Variants in ELAVL2 observed in about 807,000 individuals in gnomAD.
The protein encoded by ELAVL2 is ELAV like RNA binding protein 2.
Under a neutral mutation model 34.6 loss-of-function variants are expected in ELAVL2, and 4 were observed. That is an observed-to-expected ratio of 0.12 (90% confidence interval 0.06 to 0.26). ELAVL2 has a LOEUF of 0.26. ELAVL2 is among the 10% of genes least tolerant of loss of function. The probability of loss-of-function intolerance (pLI) is 1.00; values close to 1 mark genes in which losing one functional copy is unlikely to be tolerated. For synonymous variants in ELAVL2, 193 were observed against 154.8 expected (o/e 1.25, Z -1.83); for missense variants, 432 against 442.8 (o/e 0.98, Z 0.22).
At chr9:23,818,554 A>G (rs1018777081) in intron 1 of ELAVL2, among the ~76,000 whole-genome samples, 2 of 152,188 alleles carry the variant, frequency 1.3e-5, no homozygotes, top group African/African-American at 4.8e-5. Flanking sequence ...GCCAAGAAAC[A>G]AAGAGCTGGG....
intron 2 of ELAVL2, among the ~76,000 whole-genome samples, chr9:23,745,637 T>C (rs533735213): frequency 3.9e-5 from 6 of 152,318 alleles, no homozygotes; most frequent in African/African-American, 9.6e-5. Flanking sequence ...TGATGACATA[T>C]ACTACTTATC....
intron 1 of ELAVL2, among the ~76,000 whole-genome samples, chr9:23,803,377 C>T (rs2061804794): frequency 6.6e-6 from 1 of 152,144 alleles, no homozygotes; most frequent in African/African-American, 2.4e-5. Flanking sequence ...TAGAAAAATG[C>T]TTGAGTATCT....
intron 1 of ELAVL2, among the ~76,000 whole-genome samples, chr9:23,762,831 T>C (rs1439130988): frequency 1.3e-5 from 2 of 152,120 alleles, no homozygotes; most frequent in African/African-American, 2.4e-5. Context: ...GACAATATCT[T>C]ATCTCTACCA....
At chr9:23,710,321 T>C (rs1400998126) in intron 3 of ELAVL2, among the ~76,000 whole-genome samples, 1 of 152,196 alleles carries the variant, frequency 6.6e-6, no homozygotes, top group Non-Finnish European at 1.5e-5. Context: ...TCTTATGAAT[T>C]AGTACTTTAT....
chr9:23,740,461 T>C (rs1379506978), intron 2 of ELAVL2, among the ~76,000 whole-genome samples: 5 of 152,222 alleles, frequency 3.3e-5, no homozygotes, highest in Non-Finnish European at 2.9e-5. Context: ...GTGTACACTT[T>C]GTTGCCTTTG....
intron 1 of ELAVL2, among the ~76,000 whole-genome samples, chr9:23,824,574 C>T (rs2065167659): frequency 2.0e-5 from 3 of 152,104 alleles, no homozygotes; most frequent in Admixed American, 2.0e-4. Flanking sequence ...TCACCCACAC[C>T]CCCTCGTGCC....
At chr9:23,705,930 T>A (rs2039188885) in intron 3 of ELAVL2, among the ~76,000 whole-genome samples, 1 of 152,196 alleles carries the variant, frequency 6.6e-6, no homozygotes, top group South Asian at 2.1e-4. Context: ...CATTTTTGTT[T>A]TCTAGCCTCT....
chr9:23,726,087 G>T (rs1038983096), intron 3 of ELAVL2, among the ~76,000 whole-genome samples: 2 of 151,842 alleles, frequency 1.3e-5, no homozygotes, highest in African/African-American at 4.8e-5. Context: ...AAAAAAAAAA[G>T]TATAAATATG....
chr9:23,805,867 A>G (rs1211467791), intron 1 of ELAVL2, among the ~76,000 whole-genome samples: 2 of 152,170 alleles, frequency 1.3e-5, no homozygotes, highest in East Asian at 3.9e-4. Flanking sequence ...TCTTTTCAAT[A>G]CAGCACACTT....
At chr9:23,784,647 C>G (rs1033481867) in intron 1 of ELAVL2, among the ~76,000 whole-genome samples, 1 of 152,116 alleles carries the variant, frequency 6.6e-6, no homozygotes, top group Non-Finnish European at 1.5e-5. Flanking sequence ...ATCTTGAAAC[C>G]CATCTATCCT....
chr9:23,833,608 A>C, the ELAVL2 span, among the ~76,000 whole-genome samples: 2 of 152,002 alleles, frequency 1.3e-5, no homozygotes, highest in East Asian at 3.9e-4. Context: ...AATTAGTATA[A>C]AAATAATCTT....
intron 1 of ELAVL2, among the ~76,000 whole-genome samples, chr9:23,815,738 T>A (rs1175854182): frequency 6.6e-6 from 1 of 152,114 alleles, no homozygotes; most frequent in Non-Finnish European, 1.5e-5. Flanking sequence ...AGCCTACTAT[T>A]TTCCACCTGG....
At chr9:23,792,481 G>C (rs2060438861) in intron 1 of ELAVL2, among the ~76,000 whole-genome samples, 1 of 152,108 alleles carries the variant, frequency 6.6e-6, no homozygotes, top group East Asian at 1.9e-4. Flanking sequence ...CATGAGACCA[G>C]GGCAAGCCTT....
At chr9:23,772,328 G>A (rs915476466) in intron 1 of ELAVL2, among the ~76,000 whole-genome samples, 3 of 151,962 alleles carry the variant, frequency 2.0e-5, no homozygotes, top group Non-Finnish European at 4.4e-5. Flanking sequence ...AAACTCCAAA[G>A]CAGAAAGAAT....
chr9:23,754,365 A>G (rs539703311), intron 2 of ELAVL2, among the ~76,000 whole-genome samples: 20 of 152,280 alleles, frequency 1.3e-4, no homozygotes, highest in Non-Finnish European at 2.8e-4. Context: ...ATTTATGAAG[A>G]GATGTTAACT....
the ELAVL2 span, among the ~76,000 whole-genome samples, chr9:23,840,684 T>G: frequency 6.6e-6 from 1 of 152,168 alleles, no homozygotes; most frequent in Admixed American, 6.6e-5. Flanking sequence ...GTTAGTAAAA[T>G]GAAACAACAT....
rs1312102759 is a variant in ELAVL2 at position 23,691,123 on chromosome 9, C to T, written c.*1434G>A. 1 of 152,468 alleles carries T rather than the reference C, an allele frequency of 6.6e-6. No individual in the cohort carries two copies. 9.4% of individuals were successfully genotyped at this position (152,468 alleles called of 1,614,324 possible). On this transcript the variant is annotated 3_prime_UTR_variant, in exon 7 of 7. Transcript: ENST00000397312. Reference sequence around the variant, plus strand: ...GACAAAATTTGCAACAAATCTGATGCACTGTAAATTCAAGTCCTCAGGACA... The same window carrying T: ...GACAAAATTTGCAACAAATCTGATGTACTGTAAATTCAAGTCCTCAGGACA...
At chr9:23,746,838 CCT>C (rs1284226820) in intron 2 of ELAVL2, among the ~76,000 whole-genome samples, 1 of 146,170 alleles carries the variant, frequency 6.8e-6, no homozygotes, top group East Asian at 2.0e-4. Context: ...AAAAAAAAAG[CCT>C]CTCTCATTTC....
intron 1 of ELAVL2, among the ~76,000 whole-genome samples, chr9:23,769,060 G>C (rs2056851349): frequency 6.6e-6 from 1 of 152,078 alleles, no homozygotes; most frequent in African/African-American, 2.4e-5. Flanking sequence ...AATACCCTGA[G>C]TATTCAAACA....
Sources: gnomAD v4.1 joint callset for allele counts (sites outside exome capture counted in the v4.1 genomes callset) on GRCh38, gnomAD v4.1.1 for gene constraint, MANE v1.5 for transcripts, NCBI Gene and HGNC (gene_info 2026-07-23, HGNC 2026-07-21) for gene names.